Variants in NDUFS4 observed in about 807,000 individuals in gnomAD.
NDUFS4 encodes the protein NADH dehydrogenase [ubiquinone] iron-sulfur protein 4, mitochondrial.
NDUFS4 carries 28 observed loss-of-function variants against 24.3 expected under a neutral mutation model. The observed-to-expected ratio is 1.15, with a 90% CI of 0.85 to 1.58. NDUFS4 has a LOEUF of 1.58. NDUFS4 is among the 40% of genes most tolerant of loss of function. NDUFS4 has a pLI of 0.00. For missense variants in NDUFS4, 223 were observed against 207.9 expected, an observed-to-expected ratio of 1.07 and a Z score of -0.45; for synonymous variants, 93 against 69.7, an observed-to-expected ratio of 1.34 and a Z score of -1.67.
chr5:53,647,987 A>G (rs1004082066), intron 3 of NDUFS4, among the ~76,000 whole-genome samples: 11 of 152,234 alleles, frequency 7.2e-5, no homozygotes, highest in Non-Finnish European at 1.0e-4. Context: ...TTCAATTAGA[A>G]CATCACAAAA....
At chr5:53,617,007 A>G (rs1307678604) in intron 2 of NDUFS4, among the ~76,000 whole-genome samples, 2 of 151,974 alleles carry the variant, frequency 1.3e-5, no homozygotes, top group African/African-American at 4.8e-5. Flanking sequence ...GGAATAATAA[A>G]CTCATCTCTC....
At chr5:53,601,874 A>G (rs546670830) in intron 1 of NDUFS4, among the ~76,000 whole-genome samples, 3 of 152,168 alleles carry the variant, frequency 2.0e-5, no homozygotes, top group Non-Finnish European at 4.4e-5. Flanking sequence ...CTTGTGTTCA[A>G]GTAACCTTTA....
In NDUFS4 at chr5:53,564,318, A is replaced by T. The variant is rs182280720; in HGVS notation, c.98+3558A>T. ...TAAGCTCAAATTTAGGACACTTAAG[A>T]CCAATAGGTTCACTTCTACTTCAGA... On this transcript the variant is annotated intron_variant, in intron 1 of 4. Coordinates refer to ENST00000296684, the MANE Select transcript of NDUFS4 (RefSeq NM_002495.4). Among the ~76,000 whole-genome samples the T allele has an allele frequency of 8.7e-4, 133 of 152,272 alleles. 1 individual carries two copies. The highest frequency in any genetic ancestry group is 8.5e-3 in the Admixed American group (130 of 15,292).
At chr5:53,588,925 C>T (rs1233740082) in intron 1 of NDUFS4, among the ~76,000 whole-genome samples, 3 of 150,978 alleles carry the variant, frequency 2.0e-5, no homozygotes, top group Admixed American at 1.3e-4. Context: ...ATTCCTAAAC[C>T]GAAGCAAAAA....
chr5:53,587,389 A>G (rs1322455176), intron 1 of NDUFS4, among the ~76,000 whole-genome samples: 1 of 151,972 alleles, frequency 6.6e-6, no homozygotes, highest in African/African-American at 2.4e-5. Context: ...GAATCTATAA[A>G]CCTACCACCT....
intron 4 of NDUFS4, among the ~76,000 whole-genome samples, chr5:53,676,976 A>G (rs1022297919): frequency 6.6e-6 from 1 of 152,156 alleles, no homozygotes; most frequent in Non-Finnish European, 1.5e-5. Flanking sequence ...TTCCTGGTAT[A>G]TTATAGGTTA....
intron 2 of NDUFS4, among the ~76,000 whole-genome samples, chr5:53,640,388 A>C (rs771347653): frequency 2.0e-5 from 3 of 152,252 alleles, no homozygotes; most frequent in Middle Eastern, 3.4e-3. Flanking sequence ...CTGTAAAGGA[A>C]TACCTGAGAC....
chr5:53,663,545 G>T (rs1232919424), intron 4 of NDUFS4, among the ~76,000 whole-genome samples: 1 of 152,174 alleles, frequency 6.6e-6, no homozygotes. Context: ...ATTTAGGATA[G>T]TTAGCTCTTC....
Position 53,621,182 on chromosome 5 carries a change from C to T in NDUFS4, c.177+17652C>T, listed in dbSNP as rs141284858. Among the ~76,000 whole-genome samples the T allele has an allele frequency of 3.3e-4, 50 of 152,216 alleles. No homozygotes were observed. In the East Asian group the frequency reaches 3.7e-3, roughly 11 times the overall value. ...GTTCTTGATAAGTTGTTGCTTTATTCTTATGTGATGTCCCTCTTTATCCTG... is the reference window on the plus strand; with the variant it reads ...GTTCTTGATAAGTTGTTGCTTTATTTTTATGTGATGTCCCTCTTTATCCTG... On this transcript the variant is annotated intron_variant, in intron 2 of 4. Transcript: ENST00000296684.
intron 3 of NDUFS4, among the ~76,000 whole-genome samples, chr5:53,650,935 C>T (rs1485477743): frequency 6.6e-6 from 1 of 152,070 alleles, no homozygotes; most frequent in African/African-American, 2.4e-5. Context: ...AAAACTGTAA[C>T]CTATTGTGCA....
In NDUFS4 at chr5:53,652,415, G is replaced by A. The variant is rs1418875205; in HGVS notation, c.350+6010G>A. Among the ~76,000 whole-genome samples, 9 of 150,158 alleles carry A rather than the reference G, an allele frequency of 6.0e-5. No homozygotes were observed. In the East Asian group the frequency reaches 1.8e-3, roughly 29 times the overall value. On this transcript the variant is annotated intron_variant, in intron 3 of 4. Transcript: ENST00000296684. ...TTTACAGTAATTTCACAGTAATTTT[G>A]TGACAGAAATTTGAAATCTTAAATG...
chr5:53,668,038 C>T (rs1039198149), intron 4 of NDUFS4, among the ~76,000 whole-genome samples: 9 of 152,062 alleles, frequency 5.9e-5, no homozygotes, highest in Non-Finnish European at 1.0e-4. Flanking sequence ...AAAGGTTATA[C>T]GTTTATGGGC....
intron 1 of NDUFS4, among the ~76,000 whole-genome samples, chr5:53,572,285 A>G (rs1461382600): frequency 2.6e-5 from 4 of 152,180 alleles, no homozygotes; most frequent in South Asian, 2.1e-4. Flanking sequence ...CACCTCTCAC[A>G]TGAGAGTTTT....
chr5:53,612,898 C>T (rs1360983234), intron 2 of NDUFS4, among the ~76,000 whole-genome samples: 7 of 151,938 alleles, frequency 4.6e-5, no homozygotes, highest in South Asian at 2.1e-4. Flanking sequence ...TGCAAGTCTT[C>T]GAAAATAAAA....
At chr5:53,643,153 G>C (rs894206668) in intron 2 of NDUFS4, among the ~76,000 whole-genome samples, 8 of 152,056 alleles carry the variant, frequency 5.3e-5, no homozygotes, top group Non-Finnish European at 1.2e-4. Context: ...GGTGAGTCTT[G>C]AGGTTCTTCA....
chr5:53,635,196 T>TAAATAAATA (rs1272963929), intron 2 of NDUFS4, among the ~76,000 whole-genome samples: 1 of 151,072 alleles, frequency 6.6e-6, no homozygotes, highest in Non-Finnish European at 1.5e-5. Flanking sequence ...GTTAAATAAA[T>TAAATAAATA]AAATAAATAA....
intron 1 of NDUFS4, among the ~76,000 whole-genome samples, chr5:53,581,977 C>T (rs370675100): frequency 3.3e-5 from 5 of 151,942 alleles, no homozygotes; most frequent in Admixed American, 6.6e-5. Flanking sequence ...TTTGGGAGGC[C>T]GAGGCAGGTG....
chr5:53,647,506 C>T (rs72753658), intron 3 of NDUFS4, among the ~76,000 whole-genome samples: 24,369 of 152,164 alleles, frequency 0.16, 1,954 homozygotes, highest in Middle Eastern at 0.18. Flanking sequence ...TGTGAGCCAC[C>T]ATGCCTGGCC....
At chr5:53,681,650 A>C (rs542861910) in intron 4 of NDUFS4, among the ~76,000 whole-genome samples, 1 of 152,274 alleles carries the variant, frequency 6.6e-6, no homozygotes, top group South Asian at 2.1e-4. Flanking sequence ...GTTATGTTGA[A>C]CAAGTAAATT....
Sources: allele counts gnomAD v4.1 joint callset (sites outside exome capture counted in the v4.1 genomes callset), GRCh38; gene constraint gnomAD v4.1.1; transcripts MANE v1.5; gene names NCBI Gene and HGNC (gene_info 2026-07-23, HGNC 2026-07-21).